CLDN14: variants seen among roughly 807,000 people sequenced by gnomAD.
CLDN14 encodes the protein claudin 14, also known as claudin-14.
In CLDN14, 2 loss-of-function variants were observed where a neutral mutation model predicts 2.1. That is an observed-to-expected ratio of 0.96 (90% confidence interval 0.39 to 3.01). The LOEUF (loss-of-function observed/expected upper bound fraction) is 3.01. Among genes scored for constraint, CLDN14 ranks in the 30% most tolerant of loss-of-function variants. The pLI is 0.09. For synonymous variants in CLDN14, 136 were observed against 154.4 expected (o/e 0.88, Z 0.88); for missense variants, 298 against 328.0 (o/e 0.91, Z 0.71).
rs1213391398 is a variant in CLDN14, at chr21:36,499,875, G to T, written c.-82+10488C>A. On this transcript the variant is annotated intron_variant, in intron 2 of 2. Coordinates refer to the CLDN14 transcript ENST00000342108. The surrounding 1 kb of genome is among the most constrained non-coding windows in gnomAD (Gnocchi z 4.7). ...GACGAGCAACATTTTCACAACATCA[G>T]GGGGCTGGTGGAGAAAATCGGGGGG... is the stretch of plus-strand genomic sequence containing the variant. Among the ~76,000 whole-genome samples the T allele has an allele frequency of 6.6e-6, 1 of 151,952 alleles. No individual in the cohort carries two copies. The highest frequency in any genetic ancestry group is 2.4e-5 in the African/African-American group (1 of 41,296).
At chr21:36,476,807 C>G (rs1475643666) in intron 1 of CLDN14, among the ~76,000 whole-genome samples, 1 of 152,240 alleles carries the variant, frequency 6.6e-6, no homozygotes, top group East Asian at 1.9e-4. Context: ...AGCATACACT[C>G]ACAGTGGTGA....
At chr21:36,553,742 C>A (rs549662595) in intron 1 of CLDN14, among the ~76,000 whole-genome samples, 1 of 152,010 alleles carries the variant, frequency 6.6e-6, no homozygotes, top group Admixed American at 6.5e-5. Context: ...CTACAGTCAG[C>A]AGCACCTGCC....
intron 1 of CLDN14, chr21:36,532,273 C>G (rs1414336029): frequency 6.6e-6 from 1 of 152,132 alleles, no homozygotes; most frequent in Admixed American, 6.5e-5. Context: ...AGGGATTTCC[C>G]AAGCCCTCCG....
intron 1 of CLDN14, among the ~76,000 whole-genome samples, chr21:36,512,195 C>G (rs1440029532): frequency 1.3e-5 from 2 of 152,072 alleles, no homozygotes; most frequent in African/African-American, 4.8e-5. Context: ...GAAGACATCG[C>G]CAAAGGAACA....
rs1401420195 is a variant in CLDN14, at chr21:36,551,999, G to A, written c.-220+24412C>T. Among the ~76,000 whole-genome samples, 1 of 152,078 alleles carries A rather than the reference G, an allele frequency of 6.6e-6. No individual in the cohort carries two copies. Among genetic ancestry groups the A allele is most frequent in the Non-Finnish European group, 1.5e-5 (1 of 68,022 alleles). On this transcript the variant is annotated intron_variant, in intron 1 of 2. Transcript: ENST00000342108. The surrounding 1 kb of genome is among the most constrained non-coding windows in gnomAD (Gnocchi z 4.8). ...GTTTCATGTGAGATTTCTACAGTTT[G>A]CTAACAGTAAAAAATGGGAGAAGTG... is the stretch of plus-strand genomic sequence containing the variant.
chr21:36,537,293 C>T (rs2087431582), intron 1 of CLDN14, among the ~76,000 whole-genome samples: 1 of 152,070 alleles, frequency 6.6e-6, no homozygotes, highest in South Asian at 2.1e-4. Flanking sequence ...GACAACTCAG[C>T]TAGGCCCTTC....
intron 1 of CLDN14, among the ~76,000 whole-genome samples, chr21:36,545,165 G>A (rs2087518520): frequency 6.6e-6 from 1 of 152,186 alleles, no homozygotes. Flanking sequence ...ACTTAAACCA[G>A]AGCAACGGGC....
intron 1 of CLDN14, among the ~76,000 whole-genome samples, chr21:36,575,036 A>G (rs558245421): frequency 1.3e-5 from 2 of 152,350 alleles, no homozygotes; most frequent in African/African-American, 4.8e-5. Context: ...TCTCCCTAAG[A>G]ATAAAAATGG....
chr21:36,573,965 T>C, intron 1 of CLDN14, among the ~76,000 whole-genome samples: 1 of 152,314 alleles, frequency 6.6e-6, no homozygotes, highest in Non-Finnish European at 1.5e-5. Context: ...GAAGACTTAA[T>C]ATTGTTAAGA....
rs562529008 is a variant in CLDN14 at position 36,486,691 on chromosome 21, AT to A, written c.-82+23671del. On this transcript the variant is annotated intron_variant, in intron 2 of 2. Transcript: ENST00000342108. ...CTTCCCCCAAATTTATCATGTCAACATTTACTTTCTCCTTCTTGAGGAATTT... is the reference window on the plus strand; with the variant it reads ...CTTCCCCCAAATTTATCATGTCAACATTACTTTCTCCTTCTTGAGGAATTT... 1.1e-3 allele frequency: 1,415 copies of A among 1,307,992 alleles called. 1 individual carries two copies. Among genetic ancestry groups the A allele is most frequent in the South Asian group, 1.5e-3 (129 of 83,960 alleles). 81.0% of individuals were successfully genotyped at this position (1,307,992 alleles called of 1,614,324 possible).
intron 2 of CLDN14, among the ~76,000 whole-genome samples, chr21:36,496,887 AAGGG>A (rs2087027926): frequency 2.8e-4 from 1 of 3,512 alleles, no homozygotes; most frequent in Non-Finnish European, 6.6e-4. Flanking sequence ...GGGAGGAAGG[AAGGG>A]AGGGAGGGAG....
intron 2 of CLDN14, among the ~76,000 whole-genome samples, chr21:36,488,220 C>CCTTT: frequency 1.0e-5 from 1 of 97,298 alleles, no homozygotes; most frequent in Non-Finnish European, 2.1e-5. Flanking sequence ...ACTGTGATTC[C>CCTTT]CCTTCCTTCC....
intron 1 of CLDN14, among the ~76,000 whole-genome samples, chr21:36,543,271 A>G (rs2087504444): frequency 6.6e-6 from 1 of 152,174 alleles, no homozygotes; most frequent in Admixed American, 6.5e-5. Flanking sequence ...TTGAACACCT[A>G]CTATGTGCCA....
At chr21:36,557,866 C>G (rs541218385) in intron 1 of CLDN14, among the ~76,000 whole-genome samples, 1 of 152,266 alleles carries the variant, frequency 6.6e-6, no homozygotes, top group African/African-American at 2.4e-5. Flanking sequence ...ATTGCCAAGA[C>G]CAATGTCATG....
intron 1 of CLDN14, among the ~76,000 whole-genome samples, chr21:36,474,541 A>G (rs887101399): frequency 2.6e-5 from 4 of 152,230 alleles, no homozygotes; most frequent in Non-Finnish European, 5.9e-5. Context: ...TTACACATTT[A>G]AAAGTATTGT....
chr21:36,470,503 C>G (rs1470390131), intron 1 of CLDN14, among the ~76,000 whole-genome samples: 1 of 152,190 alleles, frequency 6.6e-6, no homozygotes, highest in Non-Finnish European at 1.5e-5. Context: ...ACAGATGCTC[C>G]CTCACAGCCC....
At chr21:36,539,204 A>G (rs2087458217) in intron 1 of CLDN14, among the ~76,000 whole-genome samples, 1 of 152,260 alleles carries the variant, frequency 6.6e-6, no homozygotes, top group Non-Finnish European at 1.5e-5. Flanking sequence ...AGACGGGAAT[A>G]TAAGTTTGTG....
chr21:36,538,317 C>T (rs941958538), intron 1 of CLDN14, among the ~76,000 whole-genome samples: 7 of 152,114 alleles, frequency 4.6e-5, no homozygotes, highest in Admixed American at 2.0e-4. Flanking sequence ...AAACAATCAC[C>T]ACCACCACCA....
intron 1 of CLDN14, among the ~76,000 whole-genome samples, chr21:36,465,739 G>A (rs1033558783): frequency 2.6e-5 from 4 of 152,214 alleles, no homozygotes; most frequent in Non-Finnish European, 5.9e-5. Context: ...TCACCTGTGG[G>A]CTACCATTTT....
Sources: gnomAD v4.1 joint callset for allele counts (sites outside exome capture counted in the v4.1 genomes callset) on GRCh38, gnomAD v4.1.1 for gene constraint, Gnocchi (gnomAD v3.1) non-coding constraint, MANE v1.5 for transcripts, NCBI Gene and HGNC (gene_info 2026-07-23, HGNC 2026-07-21) for gene names.